VWF: variants seen among roughly 807,000 people sequenced by gnomAD.
VWF encodes the protein Factor VIII related antigen.
In VWF, 176 loss-of-function variants were observed where a neutral mutation model predicts 308.6. That is an observed-to-expected ratio of 0.57 (90% CI 0.50 to 0.65). VWF has a LOEUF of 0.65. VWF is among the 30% of genes least tolerant of loss of function. The probability of loss-of-function intolerance (pLI) is 0.00; values close to 1 mark genes in which losing one functional copy is unlikely to be tolerated. For missense variants in VWF, 3,146 were observed against 3,648.2 expected (o/e 0.86, Z 3.55); for synonymous variants, 1,385 against 1,443.4 (o/e 0.96, Z 0.92).
intron 40 of VWF, 140 bp from the exon 41 acceptor site, chr12:5,983,394 T>C: frequency 7.4e-6 from 3 of 404,236 alleles, no homozygotes; most frequent in South Asian, 2.1e-5. Flanking sequence ...AGAGATTACA[T>C]GGGTTAGGAT....
At chr12:6,009,181 G>A (rs190055) in intron 34 of VWF, among the ~76,000 whole-genome samples, 44,613 of 150,040 alleles carry the variant, frequency 0.3, 6,750 homozygotes, top group South Asian at 0.39. Flanking sequence ...TTTGCAAACC[G>A]TACATTTGAT....
chr12:5,980,988 G>C (rs568113549), intron 42 of VWF, among the ~76,000 whole-genome samples: 1 of 152,208 alleles, frequency 6.6e-6, no homozygotes, highest in Non-Finnish European at 1.5e-5. Context: ...TAAGACTGCT[G>C]TTTGTAATGA....
At chr12:6,009,219 G>A in intron 34 of VWF, among the ~76,000 whole-genome samples, 1 of 142,948 alleles carries the variant, frequency 7.0e-6, no homozygotes, top group Admixed American at 7.1e-5. Flanking sequence ...AATATATTAG[G>A]AACTCATACA....
chr12:6,046,827 A>T lies in VWF; in HGVS notation c.2187-10T>A, dbSNP rs1238282509. The T allele has an allele frequency of 8.1e-6, 13 of 1,613,374 alleles. No individual in the cohort carries two copies. The highest frequency in any genetic ancestry group is 1.3e-5 in the African/African-American group (1 of 74,926). ...GCCATCCTCACAGTAGCTGCAGAGA[A>T]GAAAATCATAGCCGAGCTTCACGAG... On this transcript the variant is annotated splice_polypyrimidine_tract_variant and intron_variant, in intron 16 of 51. Transcript: ENST00000261405. This position sits in a 1 kb window ranked among gnomAD's most constrained non-coding sequence, Gnocchi z 5.0.
chr12:6,119,172 C>T (rs1390740430), intron 3 of VWF, among the ~76,000 whole-genome samples: 2 of 152,242 alleles, frequency 1.3e-5, no homozygotes, highest in Non-Finnish European at 2.9e-5. Context: ...CTCCAAGACC[C>T]TACACTGCAG....
chr12:6,044,430 C>T lies in VWF; in HGVS notation c.2303G>A (p.Arg768Gln), dbSNP rs772203447. 37 of 1,614,008 alleles carry T rather than the reference C, an allele frequency of 2.3e-5. No individual in the cohort carries two copies. The East Asian group carries it at 2.7e-4, about 12-fold the overall frequency. The change falls in exon 18 of 52, where the codon CGG becomes CAG. Residue 768 changes from arginine (R) to glutamine (Q), a missense_variant. Arg to Gln is a conservative substitution (Grantham distance 43). This residue lies in a region of VWF where 1,304 missense variants were observed against 1,353.0 expected (regional missense o/e 0.96). Transcript: ENST00000261405. ...SHRSKRSLSC[R>Q]PPMVKLVCPA... ...ACACACCAGCTTGACCATGGGGGGC[C>T]GACAGGATAGGCTCCTTTTGCCTCG...
intron 33 of VWF, 32 bp downstream of exon 33, chr12:6,012,055 C>A: frequency 6.2e-7 from 1 of 1,612,932 alleles, no homozygotes; most frequent in African/African-American, 1.3e-5. Flanking sequence ...CATCTCTAAC[C>A]TTTCTTTCAA....
chr12:5,969,177 C>G, intron 45 of VWF, 34 bp downstream of exon 45: 4 of 1,590,754 alleles, frequency 2.5e-6, no homozygotes, highest in Middle Eastern at 1.7e-4. Flanking sequence ...AAGGTGGTGC[C>G]CGGTCCAGCC....
At chr12:6,092,628 T>TGAGAGAGAGA (rs1565386731) in intron 6 of VWF, among the ~76,000 whole-genome samples, 2 of 80,244 alleles carry the variant, frequency 2.5e-5, no homozygotes, top group African/African-American at 1.5e-4. Context: ...AGTGTGTGTG[T>TGAGAGAGAGA]GTGTGTGTGT....
intron 6 of VWF, among the ~76,000 whole-genome samples, chr12:6,093,442 G>A (rs2058223): frequency 0.63 from 96,431 of 151,946 alleles, 31,147 homozygotes; most frequent in Middle Eastern, 0.79. Flanking sequence ...AGCTCTATCA[G>A]TGCTATCACA....
At chr12:6,038,899 G>C (rs1001853698) in intron 18 of VWF, among the ~76,000 whole-genome samples, 1 of 152,182 alleles carries the variant, frequency 6.6e-6, no homozygotes, top group Non-Finnish European at 1.5e-5. Flanking sequence ...AGAAGAGCAG[G>C]TAACAATAGC....
At chr12:6,107,722 G>C (rs189710942) in intron 5 of VWF, among the ~76,000 whole-genome samples, 1 of 151,992 alleles carries the variant, frequency 6.6e-6, no homozygotes, top group Non-Finnish European at 1.5e-5. Flanking sequence ...GCAGTGGTGC[G>C]ATTTCAGCTC....
chr12:5,981,280 C>T (rs970104507), intron 42 of VWF, among the ~76,000 whole-genome samples: 1 of 151,948 alleles, frequency 6.6e-6, no homozygotes, highest in African/African-American at 2.4e-5. Flanking sequence ...TGTAATCTCA[C>T]CTACTCGTGA....
intron 5 of VWF, among the ~76,000 whole-genome samples, chr12:6,107,670 A>T (rs4485164): frequency 0.86 from 129,615 of 151,488 alleles, 55,670 homozygotes; most frequent in Non-Finnish European, 0.88. Flanking sequence ...ATATATATAT[A>T]TTTTTTGAGA....
intron 10 of VWF, among the ~76,000 whole-genome samples, chr12:6,070,138 T>C (rs1944764353): frequency 6.6e-6 from 1 of 152,264 alleles, no homozygotes; most frequent in Admixed American, 6.5e-5. Context: ...TCCTTTAGTC[T>C]TGGACATGGT....
intron 42 of VWF, among the ~76,000 whole-genome samples, chr12:5,978,534 G>A (rs1943557266): frequency 6.6e-6 from 1 of 152,136 alleles, no homozygotes; most frequent in African/African-American, 2.4e-5. Context: ...AAAGTGCTAG[G>A]ATTACAGGTT....
Position 6,056,972 on chromosome 12 carries a change from G to A in VWF, c.1830C>T (p.Tyr610=), listed in dbSNP as rs61754015. 1.3e-6 allele frequency: 2 copies of A among 1,542,408 alleles called. No individual in the cohort carries two copies. Among genetic ancestry groups the A allele is most frequent in the East Asian group, 2.4e-5 (1 of 41,306 alleles). Residue 610 remains tyrosine (Y), a synonymous_variant, in exon 15 of 52, where the codon TAC becomes TAT. Transcript: ENST00000261405. Reference sequence around the variant, plus strand: ...GGCCGTCCGAGCAGGAGCACACGTCGTAGCGGCAGTTCCGCAGGTAGGGCA... The same window carrying A: ...GGCCGTCCGAGCAGGAGCACACGTCATAGCGGCAGTTCCGCAGGTAGGGCA... The part of the protein sequence containing the change: ...SPLPYLRNCR[Y]DVCSCSDGRE...
intron 16 of VWF, among the ~76,000 whole-genome samples, chr12:6,049,844 A>G (rs1944488948): frequency 6.6e-6 from 1 of 152,192 alleles, no homozygotes; most frequent in Non-Finnish European, 1.5e-5. Context: ...ATGATATGGC[A>G]CTGCTCTGGT....
At chr12:5,955,903 C>T (rs1943244336) in intron 47 of VWF, among the ~76,000 whole-genome samples, 1 of 151,946 alleles carries the variant, frequency 6.6e-6, no homozygotes, top group Admixed American at 6.6e-5. Flanking sequence ...TAAGACAGAT[C>T]AATAGAAATT....
Sources: allele counts gnomAD v4.1 joint callset (sites outside exome capture counted in the v4.1 genomes callset), GRCh38; gene constraint gnomAD v4.1.1; regional missense constraint gnomAD v4.1.1; non-coding constraint Gnocchi (gnomAD v3.1); transcripts MANE v1.5; gene names NCBI Gene and HGNC (gene_info 2026-07-23, HGNC 2026-07-21).